RAP1GAP2: variants seen among roughly 807,000 people sequenced by gnomAD.
The protein encoded by RAP1GAP2 is rap1 GTPase-activating protein 2.
RAP1GAP2 carries 27 observed loss-of-function variants against 95.0 expected under a neutral mutation model. That is an observed-to-expected ratio of 0.28 (90% CI 0.21 to 0.39). RAP1GAP2 has a LOEUF of 0.39. RAP1GAP2 is among the 10% of genes least tolerant of loss of function. RAP1GAP2 has a pLI of 1.00. For missense variants in RAP1GAP2, 771 were observed against 970.0 expected (o/e 0.79, Z 2.72); for synonymous variants, 373 against 380.9 (o/e 0.98, Z 0.24).
chr17:2,896,649 G>A (rs151149098), intron 2 of RAP1GAP2, among the ~76,000 whole-genome samples: 1 of 152,214 alleles, frequency 6.6e-6, no homozygotes, highest in South Asian at 2.1e-4. Flanking sequence ...GTGCACGAGG[G>A]GGCCCCAGGT....
At chr17:2,920,562 G>T (rs902541387) in intron 3 of RAP1GAP2, among the ~76,000 whole-genome samples, 2 of 152,220 alleles carry the variant, frequency 1.3e-5, no homozygotes, top group African/African-American at 4.8e-5. Context: ...GTGTGACATC[G>T]TGCAGTTCAG....
intron 2 of RAP1GAP2, among the ~76,000 whole-genome samples, chr17:2,816,399 G>A (rs943643052): frequency 3.3e-5 from 5 of 151,856 alleles, no homozygotes; most frequent in Admixed American, 6.6e-5. Context: ...GTGCAGTGGC[G>A]CGATCTTGGC....
At chr17:2,820,278 G>A (rs1287085888) in intron 2 of RAP1GAP2, among the ~76,000 whole-genome samples, 1 of 152,112 alleles carries the variant, frequency 6.6e-6, no homozygotes, top group Non-Finnish European at 1.5e-5. Flanking sequence ...GTACCTAGAG[G>A]TGGGGCTGTT....
In RAP1GAP2 at chr17:2,797,962, C is replaced by T. The variant is rs537629430; in HGVS notation, c.44+1391C>T. Among the ~76,000 whole-genome samples, 364 of 152,288 alleles carry T rather than the reference C, an allele frequency of 2.4e-3. 1 individual carries two copies. The highest frequency in any genetic ancestry group is 8.1e-3 in the African/African-American group (338 of 41,548). On this transcript the variant is annotated intron_variant, in intron 1 of 24. Coordinates refer to ENST00000254695, the MANE Select transcript of RAP1GAP2 (RefSeq NM_015085.5). This position sits in a 1 kb window ranked among gnomAD's most constrained non-coding sequence, Gnocchi z 5.6. ...GCTGGTCGCCAGAAAGCTCCGGGTGCACAGGTCCCGGTCTCAGCCTAGCTT... is the reference window on the plus strand; with the variant it reads ...GCTGGTCGCCAGAAAGCTCCGGGTGTACAGGTCCCGGTCTCAGCCTAGCTT...
intron 3 of RAP1GAP2, among the ~76,000 whole-genome samples, chr17:2,927,250 T>A (rs1033325819): frequency 6.6e-6 from 1 of 151,408 alleles, no homozygotes; most frequent in African/African-American, 2.4e-5. Context: ...GCCTCCCGGG[T>A]TCAGGCCGTT....
rs1175583276 is a variant in RAP1GAP2 at position 3,034,474 on chromosome 17, T to TAA, written c.*1114_*1115insAA. ...AGGGGCACAGTGTCCCTCAGCAGCT[T>TAA]ACGCCCCTGGAGTCTTGGGGGGCCC... On this transcript the variant is annotated 3_prime_UTR_variant, in exon 25 of 25. Transcript: ENST00000254695. The surrounding 1 kb of genome is among the most constrained non-coding windows in gnomAD (Gnocchi z 5.1). 1 of 184,480 alleles carries TAA rather than the reference T, an allele frequency of 5.4e-6. No individual in the cohort carries two copies. The highest frequency in any genetic ancestry group is 1.2e-5 in the Non-Finnish European group (1 of 83,732). The allele number at this position is 184,480 out of a possible 1,614,324, so 11.4% of individuals were successfully genotyped here. A position where few individuals can be genotyped will look rare whatever the true frequency, so the allele number is the denominator to read the frequency against.
rs2068363069 is a variant in RAP1GAP2 at position 2,770,190 on chromosome 17, CAG to C, written c.51-138_51-137del. ...AATCTTAATGATGGCCCTCTGGAAA[CAG>C]GGCTTTCTGGCAGATGAGCAGGAGG... On this transcript the variant is annotated intron_variant, in intron 1 of 25. Coordinates refer to the RAP1GAP2 transcript ENST00000637138. 1.0e-5 allele frequency: 4 copies of C among 387,704 alleles called. No homozygotes were observed. In the South Asian group the frequency reaches 5.8e-4, roughly 56 times the overall value. 24.0% of individuals were successfully genotyped at this position (387,704 alleles called of 1,614,324 possible).
chr17:2,786,691 C>A (rs948315191), intron 1 of RAP1GAP2, among the ~76,000 whole-genome samples: 3 of 151,038 alleles, frequency 2.0e-5, no homozygotes, highest in African/African-American at 7.3e-5. Flanking sequence ...GTTGCCCAGG[C>A]TGGAGTGCAG....
chr17:2,998,101 A>C, intron 13 of RAP1GAP2, 120 bp from the exon 14 acceptor site: 1 of 1,154,072 alleles, frequency 8.7e-7, no homozygotes. Context: ...ACAACCACGA[A>C]CTCTTCTCAC....
intron 19 of RAP1GAP2, among the ~76,000 whole-genome samples, chr17:3,020,835 G>A (rs1291281731): frequency 6.6e-6 from 1 of 152,214 alleles, no homozygotes; most frequent in Admixed American, 6.5e-5. Context: ...TTTTGACCCA[G>A]GCTAGAAACA....
intron 1 of RAP1GAP2, among the ~76,000 whole-genome samples, chr17:2,769,791 T>C (rs973626728): frequency 6.6e-6 from 1 of 151,360 alleles, no homozygotes; most frequent in East Asian, 2.0e-4. Context: ...TTCCATCTAC[T>C]GCCAGGTGCA....
At chr17:2,982,167 T>C (rs183177397) in intron 10 of RAP1GAP2, among the ~76,000 whole-genome samples, 367 of 152,252 alleles carry the variant, frequency 2.4e-3, no homozygotes, top group African/African-American at 8.3e-3. Context: ...TGAGACTGAG[T>C]CTCGCTCTGT....
intron 2 of RAP1GAP2, among the ~76,000 whole-genome samples, chr17:2,831,265 T>C (rs551478756): frequency 6.7e-6 from 1 of 149,626 alleles, no homozygotes; most frequent in Admixed American, 6.7e-5. Context: ...TTAGTAGAGA[T>C]GGGATTTCAC....
chr17:2,963,960 C>T lies in RAP1GAP2; in HGVS notation c.384C>T (p.Ser128=), dbSNP rs1453434574. 29 of 1,613,174 alleles carry T rather than the reference C, an allele frequency of 1.8e-5. No homozygotes were observed. Among genetic ancestry groups the T allele is most frequent in the Non-Finnish European group, 2.2e-5 (26 of 1,179,752 alleles). Residue 128 remains serine, a synonymous_variant, in exon 7 of 25, where the codon AGC becomes AGT. Coordinates refer to ENST00000254695, the MANE Select transcript of RAP1GAP2 (RefSeq NM_015085.5). This position sits in a 1 kb window ranked among gnomAD's most constrained non-coding sequence, Gnocchi z 4.8. ...TGGGCACCCCAACATCGCTGGGGAG[C>T]AGCATCTGTGAGGAGGAGGAAGAGG... is the stretch of plus-strand genomic sequence containing the variant. ...ENVGTPTSLG[S]SICEEEEEDN...
At chr17:2,889,676 C>T (rs2073621029) in intron 2 of RAP1GAP2, among the ~76,000 whole-genome samples, 1 of 131,826 alleles carries the variant, frequency 7.6e-6, no homozygotes, top group Admixed American at 8.6e-5. Context: ...TCGATCTGCG[C>T]TGGATTTTTT....
chr17:2,968,023 A>G (rs2044693773), intron 8 of RAP1GAP2, among the ~76,000 whole-genome samples: 1 of 152,152 alleles, frequency 6.6e-6, no homozygotes, highest in Admixed American at 6.5e-5. Context: ...GGGTTTGTAA[A>G]AGAAGAGATT....
At chr17:2,810,110 G>A (rs1284763883) in intron 2 of RAP1GAP2, among the ~76,000 whole-genome samples, 1 of 151,734 alleles carries the variant, frequency 6.6e-6, no homozygotes, top group Non-Finnish European at 1.5e-5. Flanking sequence ...GCTGTGTGTG[G>A]AGCAGGAGTT....
intron 8 of RAP1GAP2, among the ~76,000 whole-genome samples, chr17:2,970,984 A>G (rs1000424362): frequency 6.6e-6 from 1 of 152,176 alleles, no homozygotes; most frequent in Non-Finnish European, 1.5e-5. Flanking sequence ...ACAATGAGCC[A>G]TGATTGTGCC....
At position 3,027,062 on chromosome 17, in the gene RAP1GAP2, G is replaced by A. The variant is rs1411179181; in HGVS notation, c.2099G>A (p.Ser700Asn). The change falls in exon 22 of 25, where the codon AGT (serine) becomes AAT (asparagine). Residue 700 changes from serine to asparagine, a missense_variant. Physicochemically the swap from Ser to Asn is conservative, Grantham distance 46. Transcript: ENST00000254695. This position sits in a 1 kb window ranked among gnomAD's most constrained non-coding sequence, Gnocchi z 5.2. ...AAATPIIMSR[S>N]PTDAKSRNSP... ...GCCACCCCGATCATCATGAGCCGGA[G>A]TCCCACAGGTCAGTGGCATCTGGTG... The A allele has an allele frequency of 1.9e-6, 3 of 1,578,902 alleles. No individual in the cohort carries two copies. The highest frequency in any genetic ancestry group is 2.3e-5 in the South Asian group (2 of 85,654).
Sources: allele counts gnomAD v4.1 joint callset (sites outside exome capture counted in the v4.1 genomes callset), GRCh38; gene constraint gnomAD v4.1.1; non-coding constraint Gnocchi (gnomAD v3.1); transcripts MANE v1.5; gene names NCBI Gene and HGNC (gene_info 2026-07-23, HGNC 2026-07-21).